Variants in CACNA1G observed in about 807,000 individuals in gnomAD.
The protein encoded by CACNA1G is voltage-dependent T-type calcium channel subunit alpha-1G.
Under a neutral mutation model 219.4 loss-of-function variants are expected in CACNA1G, and 67 were observed. The observed-to-expected ratio is 0.31, with a 90% CI of 0.25 to 0.37. CACNA1G has a LOEUF of 0.37. Among genes scored for constraint, CACNA1G ranks in the 10% least tolerant of loss-of-function variants. The pLI is 1.00. For missense variants in CACNA1G, 2,380 were observed against 3,231.4 expected (o/e 0.74, Z 6.39); for synonymous variants, 1,296 against 1,345.3 (o/e 0.96, Z 0.80).
chr17:50,624,326 C>A lies in CACNA1G; in HGVS notation c.6230-34C>A. On this transcript the variant is annotated intron_variant, in intron 36 of 37. Transcript: ENST00000359106. ...CTGAACCCTCCAGCTCCATTCTCTC[C>A]CCCCACCCCTCCCCCGCTTCCCTCC... 3.8e-6 allele frequency: 4 copies of A among 1,056,358 alleles called. 1 individual carries two copies. The highest frequency in any genetic ancestry group is 4.3e-6 in the Non-Finnish European group (3 of 697,542). 65.4% of individuals were successfully genotyped at this position (1,056,358 alleles called of 1,614,324 possible).
chr17:50,570,431 C>T (rs924328743), intron 4 of CACNA1G, among the ~76,000 whole-genome samples: 1 of 152,152 alleles, frequency 6.6e-6, no homozygotes, highest in Non-Finnish European at 1.5e-5. Flanking sequence ...TTTGCAACTC[C>T]CCAACCTACA....
rs527691624 is a variant in CACNA1G, at chr17:50,576,048, G to C, written c.1646G>C (p.Gly549Ala). The change falls in exon 8 of 38, where the codon GGC (glycine) becomes GCC (alanine). Residue 549 changes from glycine (G) to alanine (A), a missense_variant. Transcript: ENST00000359106. ...TPALSGAPPG[G>A]AESVHSFYHA... ...GCCCTCTCCGGGGCCCCCCCTGGTG[G>C]CGCAGAGTCTGTGCACAGCTTCTAC... 506 of 1,576,316 alleles carry C rather than the reference G, an allele frequency of 3.2e-4. 1 individual carries two copies. In the Middle Eastern group the frequency reaches 4.8e-3, roughly 15 times the overall value.
chr17:50,583,531 G>T lies in CACNA1G; in HGVS notation c.2301+4967G>T, dbSNP rs547758620. Among the ~76,000 whole-genome samples, 3 of 152,250 alleles carry T rather than the reference G, an allele frequency of 2.0e-5. No individual in the cohort carries two copies. The South Asian group carries it at 6.2e-4, about 32-fold the overall frequency. On this transcript the variant is annotated intron_variant, in intron 9 of 37. Transcript: ENST00000359106. The stretch of plus-strand genomic sequence containing the variant: ...TTCATGGATGATTATGCCAAATGCC[G>T]CAAGAGAGGCTTCAGGGGACAAAGG...
chr17:50,570,690 G>A (rs144648678), intron 4 of CACNA1G, among the ~76,000 whole-genome samples: 2,856 of 151,920 alleles, frequency 0.019, 43 homozygotes, highest in Non-Finnish European at 0.03. Context: ...GGCATGCCTC[G>A]CCTCCTCTCC....
In CACNA1G at chr17:50,626,013, A is replaced by C; in HGVS notation, c.6400-4A>C. The C allele has an allele frequency of 1.3e-6, 2 of 1,598,754 alleles. No homozygotes were observed. The highest frequency in any genetic ancestry group is 1.7e-6 in the Non-Finnish European group (2 of 1,169,508). ...TGGGCTGAGCCCTCCCCCACCCCATATAGGCAGCAATAAGGACTGACTCCT... is the reference window on the plus strand; with the variant it reads ...TGGGCTGAGCCCTCCCCCACCCCATCTAGGCAGCAATAAGGACTGACTCCT... On this transcript the variant is annotated splice_region_variant and splice_polypyrimidine_tract_variant and intron_variant, in intron 37 of 37. Coordinates refer to ENST00000359106, the MANE Select transcript of CACNA1G (RefSeq NM_018896.5). The surrounding 1 kb of genome is among the most constrained non-coding windows in gnomAD (Gnocchi z 4.3).
intron 28 of CACNA1G, among the ~76,000 whole-genome samples, chr17:50,616,751 G>T (rs1242184892): frequency 6.6e-6 from 1 of 152,198 alleles, no homozygotes; most frequent in Non-Finnish European, 1.5e-5. Context: ...ACCTCTCTGT[G>T]CCTCAGTTTC....
intron 9 of CACNA1G, among the ~76,000 whole-genome samples, chr17:50,579,062 G>A (rs1475646605): frequency 6.6e-6 from 1 of 152,124 alleles, no homozygotes; most frequent in Non-Finnish European, 1.5e-5. Flanking sequence ...AGGCCTGTTG[G>A]GGTCAGGGAG....
intron 36 of CACNA1G, 22 bp from the exon 37 acceptor site, chr17:50,624,338 C>CCCCCCGG: frequency 6.8e-7 from 1 of 1,468,952 alleles, no homozygotes; most frequent in Non-Finnish European, 9.3e-7. Context: ...CCCACCCCTC[C>CCCCCCGG]CCCGCTTCCC....
Position 50,578,565 on chromosome 17 carries a change from G to A in CACNA1G, c.2301+1G>A. ...CATGGGCATCGAATACCACGAGCAG[G>A]TAGGAGAGTGGGCAGAGGCAGGGCT... On this transcript the variant is annotated splice_donor_variant, in intron 9 of 37. Transcript: ENST00000359106. LOFTEE classifies it high-confidence loss of function. The surrounding 1 kb of genome is among the most constrained non-coding windows in gnomAD (Gnocchi z 4.5). 6.5e-7 allele frequency: 1 copy of A among 1,544,884 alleles called. No homozygotes were observed.
At chr17:50,611,436 C>G (rs1379051405) in intron 26 of CACNA1G, among the ~76,000 whole-genome samples, 1 of 152,084 alleles carries the variant, frequency 6.6e-6, no homozygotes, top group East Asian at 1.9e-4. Flanking sequence ...CTCAGGGACC[C>G]ACCCAAGAGA....
chr17:50,626,316 C>T lies in CACNA1G; in HGVS notation c.6699C>T (p.Gly2233=), dbSNP rs2053792368. The change falls in exon 38 of 38, where the codon GGC becomes GGT. Residue 2233 remains glycine, a synonymous_variant. Transcript: ENST00000359106. This position sits in a 1 kb window ranked among gnomAD's most constrained non-coding sequence, Gnocchi z 4.3. Reference sequence around the variant, plus strand: ...CAGGAGACCTCCTGCCCCCTGGCGGCCAGGAGGAGCCCCCATCCCCACGGG... The same window carrying T: ...CAGGAGACCTCCTGCCCCCTGGCGGTCAGGAGGAGCCCCCATCCCCACGGG... ...WISGDLLPPG[G]QEEPPSPRDL... is the part of the protein sequence containing the mutation. 6.2e-7 allele frequency: 1 copy of T among 1,613,322 alleles called. No homozygotes were observed. Among genetic ancestry groups the T allele is most frequent in the Non-Finnish European group, 8.5e-7 (1 of 1,179,814 alleles).
rs1229794698 is a variant in CACNA1G, at chr17:50,583,051, T to TAGAC, written c.2301+4488_2301+4491dup. 2.6e-5 allele frequency among the ~76,000 whole-genome samples: 4 copies of TAGAC among 152,246 alleles called. No homozygotes were observed. In the East Asian group the frequency reaches 7.7e-4, roughly 29 times the overall value. ...TAAGTCTGAACTTTGAAGGAGGTCA[T>TAGAC]AGACTCCTTTTCAGTTCTGCTGAAG... On this transcript the variant is annotated intron_variant, in intron 9 of 37. Coordinates refer to ENST00000359106, the MANE Select transcript of CACNA1G (RefSeq NM_018896.5).
At chr17:50,614,092 G>A (rs748773293) in intron 26 of CACNA1G, among the ~76,000 whole-genome samples, 2 of 152,318 alleles carry the variant, frequency 1.3e-5, no homozygotes, top group African/African-American at 4.8e-5. Flanking sequence ...GGCAGCCCAC[G>A]AGGCTGGATG....
rs2047328937 is a variant in CACNA1G, at chr17:50,603,777, A to C, written c.4170-378A>C. Among the ~76,000 whole-genome samples the C allele has an allele frequency of 6.6e-6, 1 of 151,522 alleles. No individual in the cohort carries two copies. The highest frequency in any genetic ancestry group is 2.4e-5 in the African/African-American group (1 of 41,146). On this transcript the variant is annotated intron_variant, in intron 21 of 37. Coordinates refer to ENST00000359106, the MANE Select transcript of CACNA1G (RefSeq NM_018896.5). This position sits in a 1 kb window ranked among gnomAD's most constrained non-coding sequence, Gnocchi z 6.4. ...GATGCTTCCCTGACTGTGATAGTCC[A>C]TCTCCCTCTGCCCCTTCCCCTCTCT...
At position 50,596,888 on chromosome 17, in the gene CACNA1G, G is replaced by A. The variant is rs2045665040; in HGVS notation, c.3223G>A (p.Ala1075Thr). ...ASRRTSSSGS[A>T]EPGAAHEMKS... ...GCGCCGCACCAGCAGCAGCGGGTCG[G>A]CAGAGCCTGGGGCGGCCCACGAGAT... is the stretch of plus-strand genomic sequence containing the variant. Residue 1075 changes from alanine (A) to threonine (T), a missense_variant, in exon 16 of 38, where the codon GCA becomes ACA. By Grantham distance (58) the Ala-to-Thr change is moderately conservative. Transcript: ENST00000359106. This position sits in a 1 kb window ranked among gnomAD's most constrained non-coding sequence, Gnocchi z 4.8. 1.9e-6 allele frequency: 3 copies of A among 1,582,838 alleles called. No homozygotes were observed. Among genetic ancestry groups the A allele is most frequent in the East Asian group, 2.3e-5 (1 of 43,410 alleles).
Position 50,591,615 on chromosome 17 carries a change from C to T in CACNA1G, c.2634C>T (p.Ile878=). 6.2e-7 allele frequency: 1 copy of T among 1,613,208 alleles called. No individual in the cohort carries two copies. Among genetic ancestry groups the T allele is most frequent in the Non-Finnish European group, 8.5e-7 (1 of 1,179,576 alleles). The change falls in exon 11 of 38, where the codon ATC becomes ATT. Residue 878 remains isoleucine (I), a synonymous_variant. Transcript: ENST00000359106. ...FCMLLMLFIF[I]FSILGMHLFG... is the part of the protein sequence containing the mutation. ...TGCTGCTTATGCTCTTCATCTTCATCTTCAGGTGAGGGCGGCATGGCACCT... is the reference window on the plus strand; with the variant it reads ...TGCTGCTTATGCTCTTCATCTTCATTTTCAGGTGAGGGCGGCATGGCACCT...
chr17:50,597,954 C>A (rs1055500106), intron 16 of CACNA1G, among the ~76,000 whole-genome samples: 1 of 152,222 alleles, frequency 6.6e-6, no homozygotes. Flanking sequence ...TCCAGTTCAT[C>A]CATGTTATCA....
At chr17:50,602,972 G>C in intron 20 of CACNA1G, 43 bp from the exon 21 acceptor site, 7 of 1,610,644 alleles carry the variant, frequency 4.3e-6, no homozygotes, top group Non-Finnish European at 5.9e-6. Flanking sequence ...AGGGTTGGCT[G>C]CAGCGCAGGG....
At chr17:50,622,676 G>A (rs2052458784) in intron 35 of CACNA1G, among the ~76,000 whole-genome samples, 1 of 152,196 alleles carries the variant, frequency 6.6e-6, no homozygotes, top group East Asian at 1.9e-4. Flanking sequence ...AGGGTTCAGG[G>A]GGAAGGGGGT....
Sources: allele counts gnomAD v4.1 joint callset (sites outside exome capture counted in the v4.1 genomes callset), GRCh38; gene constraint gnomAD v4.1.1; non-coding constraint Gnocchi (gnomAD v3.1); transcripts MANE v1.5; gene names NCBI Gene and HGNC (gene_info 2026-07-23, HGNC 2026-07-21).